SDK1: variants seen among roughly 807,000 people sequenced by gnomAD.
SDK1 encodes protein sidekick-1.
In SDK1, 157 loss-of-function variants were observed where a neutral mutation model predicts 245.5. The observed-to-expected ratio is 0.64, with a 90% CI of 0.56 to 0.73. The LOEUF (loss-of-function observed/expected upper bound fraction) is 0.73, where lower values mean the gene tolerates loss of function less well. SDK1 is among the 30% of genes least tolerant of loss of function. SDK1 has a pLI of 0.00. For missense variants in SDK1, 3,583 were observed against 3,002.3 expected (o/e 1.19, Z -4.52); for synonymous variants, 1,647 against 1,278.5 (o/e 1.29, Z -6.15).
Position 4,139,567 on chromosome 7 carries a change from GTATA to G in SDK1, c.4229-6153_4229-6150del, listed in dbSNP as rs1383456004. Among the ~76,000 whole-genome samples the G allele has an allele frequency of 1.7e-3, 21 of 12,270 alleles. 4 individuals carry two copies. The highest frequency in any genetic ancestry group is 5.2e-3 in the African/African-American group (15 of 2,902). 8.0% of individuals were successfully genotyped at this position (12,270 alleles called of 152,430 possible). On this transcript the variant is annotated intron_variant, in intron 28 of 44. Transcript: ENST00000404826. ...TGTGTGTGTATATGTATATATGTGTGTATATGTGTGTGTGTATGTGTGTGTATAT... is the reference window on the plus strand; with the variant it reads ...TGTGTGTGTATATGTATATATGTGTGTGTGTGTGTGTATGTGTGTGTATAT...
At chr7:3,817,058 A>C (rs1049915555) in intron 4 of SDK1, among the ~76,000 whole-genome samples, 1 of 152,226 alleles carries the variant, frequency 6.6e-6, no homozygotes, top group Non-Finnish European at 1.5e-5. Flanking sequence ...AATTTTCATC[A>C]TAATGTATAA....
At chr7:4,019,197 G>A (rs1315533072) in intron 17 of SDK1, among the ~76,000 whole-genome samples, 1 of 152,178 alleles carries the variant, frequency 6.6e-6, no homozygotes, top group Non-Finnish European at 1.5e-5. Context: ...CAGTTTATAG[G>A]ATACAGCAGG....
chr7:3,616,528 A>T (rs1042711511), intron 1 of SDK1, among the ~76,000 whole-genome samples: 2 of 152,136 alleles, frequency 1.3e-5, no homozygotes, highest in African/African-American at 4.8e-5. Flanking sequence ...TGCTGCCAAC[A>T]CTTTTGTTCT....
intron 1 of SDK1, among the ~76,000 whole-genome samples, chr7:3,595,216 TTTA>T (rs1781014587): frequency 6.8e-6 from 1 of 147,962 alleles, no homozygotes; most frequent in African/African-American, 2.5e-5. Context: ...TATTGGTGAC[TTTA>T]TGATATTTTG....
intron 35 of SDK1, among the ~76,000 whole-genome samples, chr7:4,191,651 C>T (rs750947659): frequency 3.3e-5 from 5 of 152,252 alleles, no homozygotes; most frequent in East Asian, 1.9e-4. Context: ...TCAGCTGCTC[C>T]GCCAGGGAGA....
intron 5 of SDK1, among the ~76,000 whole-genome samples, chr7:3,923,376 A>C (rs1779660492): frequency 6.6e-6 from 1 of 152,128 alleles, no homozygotes. Flanking sequence ...AGTTCACTGC[A>C]ATTGAATGAA....
At chr7:4,169,537 T>C (rs582508) in intron 32 of SDK1, among the ~76,000 whole-genome samples, 42,798 of 152,182 alleles carry the variant, frequency 0.28, 7,865 homozygotes, top group African/African-American at 0.52. Context: ...CAGTTCTTCC[T>C]GGCAGTGAGC....
intron 2 of SDK1, among the ~76,000 whole-genome samples, chr7:3,619,969 A>G (rs1175246992): frequency 6.6e-6 from 1 of 152,178 alleles, no homozygotes; most frequent in African/African-American, 2.4e-5. Context: ...TGAGGATGAT[A>G]ATATTACATG....
chr7:4,009,628 TC>T (rs1037592043), intron 14 of SDK1, among the ~76,000 whole-genome samples: 17 of 152,378 alleles, frequency 1.1e-4, no homozygotes, highest in African/African-American at 3.8e-4. Flanking sequence ...AAGACTGCGT[TC>T]CCAGAAAGCC....
intron 4 of SDK1, among the ~76,000 whole-genome samples, chr7:3,816,959 C>T (rs1420948430): frequency 2.0e-5 from 3 of 151,786 alleles, no homozygotes; most frequent in African/African-American, 4.8e-5. Flanking sequence ...TCAAATGTTA[C>T]TTTAAAGTTC....
At chr7:4,240,658 A>G (rs1786462019) in intron 42 of SDK1, among the ~76,000 whole-genome samples, 1 of 152,222 alleles carries the variant, frequency 6.6e-6, no homozygotes, top group African/African-American at 2.4e-5. Context: ...GTATGTGTGT[A>G]GGCGCTGTCC....
chr7:3,837,517 G>C (rs368570745), intron 5 of SDK1, among the ~76,000 whole-genome samples: 248 of 152,334 alleles, frequency 1.6e-3, no homozygotes, highest in African/African-American at 5.6e-3. Flanking sequence ...TCTAGGGGCA[G>C]ATGTTTTTGG....
intron 35 of SDK1, among the ~76,000 whole-genome samples, chr7:4,180,401 C>CCCAG: frequency 6.7e-6 from 1 of 149,502 alleles, no homozygotes; most frequent in Non-Finnish European, 1.5e-5. Flanking sequence ...ATGCCCAGCG[C>CCCAG]CTGGCTCCAG....
chr7:3,574,272 A>G lies in SDK1; in HGVS notation c.299-44808A>G, dbSNP rs544332340. On this transcript the variant is annotated intron_variant, in intron 1 of 44. Transcript: ENST00000404826. Reference sequence around the variant, plus strand: ...GCTGGGATTGCAGGCGCCTGCCACCATGCCCAGCTAATTTTTTGTATTTTT... The same window carrying G: ...GCTGGGATTGCAGGCGCCTGCCACCGTGCCCAGCTAATTTTTTGTATTTTT... Among the ~76,000 whole-genome samples, 5 of 151,944 alleles carry G rather than the reference A, an allele frequency of 3.3e-5. 1 individual carries two copies. The East Asian group carries it at 9.7e-4, about 29-fold the overall frequency.
intron 5 of SDK1, among the ~76,000 whole-genome samples, chr7:3,839,629 GAAGT>G (rs1453403469): frequency 6.6e-5 from 10 of 152,108 alleles, no homozygotes; most frequent in African/African-American, 1.4e-4. Context: ...AATTTACCTA[GAAGT>G]AATATCCATC....
rs79207633 is a variant in SDK1 at position 3,829,323 on chromosome 7, G to C, written c.847+7740G>C. ...GCAGATGTGATTATAAATCACACAT[G>C]AGAGTACTGTTGATGACCCTCTAAG... On this transcript the variant is annotated intron_variant, in intron 5 of 44. Coordinates refer to ENST00000404826, the MANE Select transcript of SDK1 (RefSeq NM_152744.4). Among the ~76,000 whole-genome samples the C allele has an allele frequency of 8.1e-3, 1,236 of 152,274 alleles. 16 individuals carry two copies. Among genetic ancestry groups the C allele is most frequent in the African/African-American group, 0.028 (1,180 of 41,550 alleles).
intron 1 of SDK1, among the ~76,000 whole-genome samples, chr7:3,434,364 T>C (rs1461162003): frequency 6.6e-6 from 1 of 152,240 alleles, no homozygotes; most frequent in Non-Finnish European, 1.5e-5. Flanking sequence ...GTGGACTTTT[T>C]ACTTAGGTGT....
chr7:4,222,491 C>G (rs750475324), intron 40 of SDK1, among the ~76,000 whole-genome samples: 1 of 152,110 alleles, frequency 6.6e-6, no homozygotes. Flanking sequence ...GAGGGGGTTT[C>G]ACCATGTTGG....
intron 5 of SDK1, among the ~76,000 whole-genome samples, chr7:3,904,208 T>C (rs1781887796): frequency 6.6e-6 from 1 of 152,166 alleles, no homozygotes; most frequent in Non-Finnish European, 1.5e-5. Flanking sequence ...ACTGCATGAA[T>C]CAGTTTATAT....
Sources: gnomAD v4.1 joint callset for allele counts (sites outside exome capture counted in the v4.1 genomes callset) on GRCh38, gnomAD v4.1.1 for gene constraint, MANE v1.5 for transcripts, NCBI Gene and HGNC (gene_info 2026-07-23, HGNC 2026-07-21) for gene names.